EPHB1: variants seen among roughly 807,000 people sequenced by gnomAD.
The protein encoded by EPHB1 is EPH receptor B1, also known as ephrin type-B receptor 1.
EPHB1 carries 30 observed loss-of-function variants against 94.4 expected under a neutral mutation model. The observed-to-expected ratio is 0.32, with a 90% CI of 0.24 to 0.43. The LOEUF is 0.43. Among genes scored for constraint, EPHB1 ranks in the 20% least tolerant of loss-of-function variants. The probability of loss-of-function intolerance (pLI) is 1.00; values close to 1 mark genes in which losing one functional copy is unlikely to be tolerated. For synonymous variants in EPHB1, 522 were observed against 489.1 expected (o/e 1.07, Z -0.89); for missense variants, 1,055 against 1,308.3 (o/e 0.81, Z 2.99).
chr3:134,896,701 G>T (rs767127718), intron 1 of EPHB1, among the ~76,000 whole-genome samples: 7 of 152,266 alleles, frequency 4.6e-5, no homozygotes, highest in Non-Finnish European at 8.8e-5. Flanking sequence ...GCTCATCAGG[G>T]ATAATTCCCT....
intron 3 of EPHB1, among the ~76,000 whole-genome samples, chr3:134,982,169 A>AT (rs1380803632): frequency 6.6e-6 from 1 of 152,120 alleles, no homozygotes; most frequent in Non-Finnish European, 1.5e-5. Flanking sequence ...TGCTCACGCA[A>AT]TTTTTTTCTC....
chr3:134,933,693 A>G (rs2107706050), intron 2 of EPHB1, among the ~76,000 whole-genome samples: 1 of 152,268 alleles, frequency 6.6e-6, no homozygotes, highest in East Asian at 1.9e-4. Flanking sequence ...ATGGTGAAAA[A>G]GTGCCAATGC....
At chr3:135,244,894 CT>C (rs1299995985) in intron 13 of EPHB1, among the ~76,000 whole-genome samples, 1 of 152,106 alleles carries the variant, frequency 6.6e-6, no homozygotes, top group African/African-American at 2.4e-5. Flanking sequence ...GTAAAGGACA[CT>C]TTTTTCCCTA....
rs1375503141 is a variant in EPHB1 at position 135,257,458 on chromosome 3, C to G, written c.2847-1554C>G. 2.0e-5 allele frequency among the ~76,000 whole-genome samples: 3 copies of G among 151,954 alleles called. 1 individual carries two copies. In the South Asian group the frequency reaches 6.3e-4, roughly 32 times the overall value. ...ACAGACAGGACCCTCAGCTGCAGGT[C>G]TGTTGGAGTACCCTGCCATGTGAGG... is the stretch of plus-strand genomic sequence containing the variant. On this transcript the variant is annotated intron_variant, in intron 15 of 15. Coordinates refer to ENST00000398015, the MANE Select transcript of EPHB1 (RefSeq NM_004441.5).
At chr3:134,868,396 C>A (rs969113049) in intron 1 of EPHB1, among the ~76,000 whole-genome samples, 1 of 152,118 alleles carries the variant, frequency 6.6e-6, no homozygotes, top group South Asian at 2.1e-4. Flanking sequence ...GAACTACCCC[C>A]TAAGTGTTGC....
chr3:135,119,088 G>A (rs556147556), intron 4 of EPHB1, among the ~76,000 whole-genome samples: 29 of 152,178 alleles, frequency 1.9e-4, no homozygotes, highest in Non-Finnish European at 4.0e-4. Flanking sequence ...TGACCTCCTA[G>A]TCATTTTGAT....
Position 134,795,663 on chromosome 3 carries a change from T to A in EPHB1, c.32T>A (p.Leu11Gln), listed in dbSNP as rs1265377307. The A allele has an allele frequency of 6.2e-7, 1 of 1,609,742 alleles. No individual in the cohort carries two copies. Among genetic ancestry groups the A allele is most frequent in the Non-Finnish European group, 8.5e-7 (1 of 1,178,318 alleles). ...CTGGATTATCTACTACTGCTCCTCC[T>A]GGCATCCGCAGTGGCTGCGATGGAA... MALDYLLLLL[L>Q]ASAVAAMEET... The change falls in exon 1 of 16, where the codon CTG (leucine) becomes CAG (glutamine). Residue 11 changes from leucine (L) to glutamine (Q), a missense_variant. Physicochemically the swap from Leu to Gln is moderately radical, Grantham distance 113. Transcript: ENST00000398015.
At chr3:135,237,327 C>T (rs1164865616) in intron 12 of EPHB1, among the ~76,000 whole-genome samples, 2 of 151,630 alleles carry the variant, frequency 1.3e-5, no homozygotes, top group Non-Finnish European at 2.9e-5. Flanking sequence ...GACACAAAAT[C>T]TTAAATTTAT....
At chr3:135,032,563 G>C (rs1936512788) in intron 3 of EPHB1, among the ~76,000 whole-genome samples, 1 of 152,028 alleles carries the variant, frequency 6.6e-6, no homozygotes, top group South Asian at 2.1e-4. Context: ...GAGCACCCAG[G>C]CCATCTCTTC....
At chr3:135,152,222 C>T (rs1941216293) in intron 5 of EPHB1, among the ~76,000 whole-genome samples, 1 of 152,090 alleles carries the variant, frequency 6.6e-6, no homozygotes, top group Non-Finnish European at 1.5e-5. Context: ...TTTGACAAGA[C>T]ATTTTGTGGG....
At chr3:134,842,952 A>C (rs1235427351) in intron 1 of EPHB1, among the ~76,000 whole-genome samples, 1 of 152,246 alleles carries the variant, frequency 6.6e-6, no homozygotes, top group East Asian at 1.9e-4. Context: ...AGAGAAGAAT[A>C]GACTGTTCAT....
chr3:134,855,050 G>A (rs7633880), intron 1 of EPHB1, among the ~76,000 whole-genome samples: 83,345 of 152,004 alleles, frequency 0.55, 25,630 homozygotes, highest in East Asian at 0.8. Flanking sequence ...ATACACATGC[G>A]CACTCACAAT....
At chr3:135,099,701 G>A (rs1272734003) in intron 3 of EPHB1, among the ~76,000 whole-genome samples, 3 of 152,198 alleles carry the variant, frequency 2.0e-5, no homozygotes, top group Admixed American at 2.0e-4. Context: ...GCCCAATGTG[G>A]GGCCACAGGA....
intron 3 of EPHB1, among the ~76,000 whole-genome samples, chr3:135,104,659 A>G (rs1366905608): frequency 3.3e-5 from 5 of 152,192 alleles, no homozygotes; most frequent in Admixed American, 2.6e-4. Context: ...AATAAGATGA[A>G]CTTTTAAAAT....
At chr3:134,939,613 C>T (rs564078635) in intron 2 of EPHB1, among the ~76,000 whole-genome samples, 2 of 152,266 alleles carry the variant, frequency 1.3e-5, no homozygotes, top group East Asian at 3.9e-4. Context: ...CAAGCTTTTT[C>T]AGGCTTAGTC....
intron 7 of EPHB1, among the ~76,000 whole-genome samples, chr3:135,164,780 C>T (rs1328177099): frequency 1.4e-5 from 2 of 141,864 alleles, no homozygotes; most frequent in Admixed American, 1.5e-4. Flanking sequence ...CTGCACTCCA[C>T]CCTGGGTGAC....
chr3:135,247,433 T>G (rs1943952491), intron 13 of EPHB1, among the ~76,000 whole-genome samples: 1 of 152,218 alleles, frequency 6.6e-6, no homozygotes, highest in South Asian at 2.1e-4. Flanking sequence ...GCATTATGGG[T>G]GTACCATAAT....
intron 3 of EPHB1, among the ~76,000 whole-genome samples, chr3:134,955,071 C>CTTTTTTTTTTTTTTTTTTTTTTTTTTT (rs1197013147): frequency 2.4e-4 from 2 of 8,416 alleles, no homozygotes; most frequent in African/African-American, 4.3e-4. Context: ...GACATCCTTT[C>CTTTTTTTTTTTTTTTTTTTTTTTTTTT]TTTTTTTTTT....
chr3:135,234,682 A>G (rs957306017), intron 12 of EPHB1, among the ~76,000 whole-genome samples: 5 of 152,212 alleles, frequency 3.3e-5, no homozygotes, highest in African/African-American at 7.2e-5. Context: ...GAAACTTACA[A>G]TCATGGTGGA....
Sources: gnomAD v4.1 joint callset for allele counts (sites outside exome capture counted in the v4.1 genomes callset) on GRCh38, gnomAD v4.1.1 for gene constraint, MANE v1.5 for transcripts, NCBI Gene and HGNC (gene_info 2026-07-23, HGNC 2026-07-21) for gene names.